Variants in IQUB observed in about 807,000 individuals in gnomAD.
IQUB encodes the protein IQ motif and ubiquitin domain containing.
In IQUB, 86 loss-of-function variants were observed where a neutral mutation model predicts 86.4. That is an observed-to-expected ratio of 1.00 (90% confidence interval 0.84 to 1.19). IQUB has a LOEUF of 1.19. Ranked by LOEUF, IQUB falls within the 50% of genes most tolerant of loss-of-function variation. IQUB has a pLI of 0.00. For synonymous variants in IQUB, 289 were observed against 304.5 expected (o/e 0.95, Z 0.53); for missense variants, 946 against 916.9 (o/e 1.03, Z -0.41).
intron 1 of IQUB, among the ~76,000 whole-genome samples, chr7:123,516,922 T>C (rs761033492): frequency 3.0e-4 from 45 of 152,224 alleles, no homozygotes; most frequent in Non-Finnish European, 5.6e-4. Flanking sequence ...TAGCCTGCCA[T>C]AGTTTCATGA....
At chr7:123,454,013 G>C (rs1328646726) in intron 12 of IQUB, among the ~76,000 whole-genome samples, 2 of 151,908 alleles carry the variant, frequency 1.3e-5, no homozygotes, top group Non-Finnish European at 2.9e-5. Flanking sequence ...CCTCAATAAA[G>C]GTCTCTTCAG....
chr7:123,452,863 A>T lies in IQUB; in HGVS notation c.2256T>A (p.Phe752Leu). The stretch of plus-strand genomic sequence containing the variant: ...ATGAAGCCAGCACTGGAACCTGAGA[A>T]AAATAGTTCTTAGCCAGGATATGTT... ...KHKHILAKNY[F>L]SQVPVLASFI... Residue 752 changes from phenylalanine (F) to leucine (L), a missense_variant, in exon 13 of 13, where the codon TTT becomes TTA. Physicochemically the swap from Phe to Leu is conservative, Grantham distance 22. Coordinates refer to ENST00000324698, the MANE Select transcript of IQUB (RefSeq NM_178827.5). 2 of 1,613,688 alleles carry T rather than the reference A, an allele frequency of 1.2e-6. No individual in the cohort carries two copies. The highest frequency in any genetic ancestry group is 1.7e-6 in the Non-Finnish European group (2 of 1,179,696).
At chr7:123,467,556 C>G (rs1383083712) in intron 9 of IQUB, among the ~76,000 whole-genome samples, 1 of 152,134 alleles carries the variant, frequency 6.6e-6, no homozygotes, top group Non-Finnish European at 1.5e-5. Context: ...TATGTGAAAA[C>G]AAAAATTAAA....
chr7:123,458,560 T>C (rs535616700), intron 11 of IQUB, among the ~76,000 whole-genome samples: 1 of 152,100 alleles, frequency 6.6e-6, no homozygotes, highest in African/African-American at 2.4e-5. Flanking sequence ...AAAAATAAAT[T>C]TATAGACCTT....
rs762046442 is a variant in IQUB, at chr7:123,503,303, A to G, written c.593T>C (p.Val198Ala). 1 of 1,603,570 alleles carries G rather than the reference A, an allele frequency of 6.2e-7. No homozygotes were observed. The highest frequency in any genetic ancestry group is 8.5e-7 in the Non-Finnish European group (1 of 1,171,466). Residue 198 changes from valine (V) to alanine (A), a missense_variant, in exon 4 of 13, where the codon GTA becomes GCA. By Grantham distance (64) the Val-to-Ala change is moderately conservative. Transcript: ENST00000324698. ...VQHGVKPQEI[V>A]QVEIFSTNPD... ...ATTTGTAGAAAAGATTTCCACTTGTACAATTTCCTGTGGCTTAACTCCATG... is the reference window on the plus strand; with the variant it reads ...ATTTGTAGAAAAGATTTCCACTTGTGCAATTTCCTGTGGCTTAACTCCATG...
intron 12 of IQUB, 119 bp downstream of exon 12, chr7:123,457,262 G>A (rs184616809): frequency 1.5e-4 from 221 of 1,442,448 alleles, no homozygotes; most frequent in Non-Finnish European, 1.8e-4. Flanking sequence ...TAATCCATAA[G>A]TTCTGTTTCT....
In IQUB at chr7:123,473,569, T is replaced by A. The variant is rs745616462; in HGVS notation, c.1411-4185A>T. On this transcript the variant is annotated intron_variant, in intron 8 of 12. Transcript: ENST00000324698. Reference sequence around the variant, plus strand: ...GTCAAGCTTTGTGAGTTCTTTTGTTTTTTTGTTTTTTGTTTTTTGTTTTTC... The same window carrying A: ...GTCAAGCTTTGTGAGTTCTTTTGTTATTTTGTTTTTTGTTTTTTGTTTTTC... Among the ~76,000 whole-genome samples the A allele has an allele frequency of 9.9e-5, 15 of 151,382 alleles. 1 individual carries two copies. Among genetic ancestry groups the A allele is most frequent in the Middle Eastern group, 6.8e-3 (2 of 292 alleles).
intron 2 of IQUB, 48 bp downstream of exon 2, chr7:123,511,896 A>C (rs947033558): frequency 7.2e-7 from 1 of 1,396,000 alleles, no homozygotes; most frequent in Non-Finnish European, 9.7e-7. Context: ...AAACGCATTC[A>C]TTCTTCAAAA....
chr7:123,498,717 C>T (rs1489829352), intron 6 of IQUB, among the ~76,000 whole-genome samples: 1 of 152,084 alleles, frequency 6.6e-6, no homozygotes, highest in Non-Finnish European at 1.5e-5. Context: ...CATCTTCCAA[C>T]CAGTAAATAG....
At chr7:123,489,221 A>C (rs1262248072) in intron 7 of IQUB, among the ~76,000 whole-genome samples, 1 of 152,214 alleles carries the variant, frequency 6.6e-6, no homozygotes, top group East Asian at 1.9e-4. Flanking sequence ...ATGTCTGCAT[A>C]TGTAAAAAGT....
intron 1 of IQUB, among the ~76,000 whole-genome samples, chr7:123,526,814 CG>C (rs1797239303): frequency 6.6e-6 from 1 of 151,936 alleles, no homozygotes; most frequent in South Asian, 2.1e-4. Flanking sequence ...TACATTTTGG[CG>C]TGATTTTGCA....
intron 1 of IQUB, 42 bp downstream of exon 1, chr7:123,534,450 A>C (rs761068005): frequency 1.3e-5 from 2 of 152,648 alleles, no homozygotes; most frequent in Admixed American, 6.5e-5. Context: ...GCTGGATCTA[A>C]GCGTCGGACC....
intron 1 of IQUB, among the ~76,000 whole-genome samples, chr7:123,524,984 T>G (rs1410384583): frequency 6.6e-6 from 1 of 152,182 alleles, no homozygotes; most frequent in Non-Finnish European, 1.5e-5. Context: ...TTTGGTTCTG[T>G]TTATATGCTG....
chr7:123,482,410 T>C (rs1190125323), intron 7 of IQUB, among the ~76,000 whole-genome samples: 4 of 152,006 alleles, frequency 2.6e-5, no homozygotes, highest in African/African-American at 9.7e-5. Context: ...ACCATTTATA[T>C]AGACATATCA....
intron 7 of IQUB, among the ~76,000 whole-genome samples, chr7:123,492,782 G>A (rs887246218): frequency 6.6e-6 from 1 of 152,074 alleles, no homozygotes; most frequent in African/African-American, 2.4e-5. Flanking sequence ...TCACCATCCT[G>A]AGGATCTTGA....
At position 123,469,217 on chromosome 7, in the gene IQUB, T is replaced by G; in HGVS notation, c.1578A>C (p.Val526=). The G allele has an allele frequency of 6.4e-7, 1 of 1,560,574 alleles. No individual in the cohort carries two copies. The highest frequency in any genetic ancestry group is 8.7e-7 in the Non-Finnish European group (1 of 1,156,062). ...LDVLLTLKHT[V]KEHECKLTQE... is the part of the protein sequence containing the mutation. The stretch of plus-strand genomic sequence containing the variant: ...AACTAAGAGAAAGTTAACATACCTT[T>G]ACAGTGTGTTTAAGAGTTAACAGCA... Residue 526 remains valine, a synonymous_variant, in exon 9 of 13, where the codon GTA becomes GTC. Coordinates refer to ENST00000324698, the MANE Select transcript of IQUB (RefSeq NM_178827.5).
intron 1 of IQUB, among the ~76,000 whole-genome samples, chr7:123,518,580 C>T (rs907886841): frequency 6.6e-6 from 1 of 152,036 alleles, no homozygotes; most frequent in African/African-American, 2.4e-5. Context: ...TTTTATGTTT[C>T]CTCTGTCAGA....
At chr7:123,533,635 A>C (rs1449724156) in intron 1 of IQUB, among the ~76,000 whole-genome samples, 1 of 152,222 alleles carries the variant, frequency 6.6e-6, no homozygotes, top group East Asian at 1.9e-4. Context: ...TAAATGAGAC[A>C]GATCTGTAAA....
At chr7:123,514,629 A>G (rs1026789554) in intron 1 of IQUB, among the ~76,000 whole-genome samples, 1 of 152,230 alleles carries the variant, frequency 6.6e-6, no homozygotes, top group Non-Finnish European at 1.5e-5. Flanking sequence ...GTACAAGTAC[A>G]GTGCAGTTTT....
Sources: gnomAD v4.1 joint callset for allele counts (sites outside exome capture counted in the v4.1 genomes callset) on GRCh38, gnomAD v4.1.1 for gene constraint, MANE v1.5 for transcripts, NCBI Gene and HGNC (gene_info 2026-07-23, HGNC 2026-07-21) for gene names.